Variants in DNAAF4 observed in about 807,000 individuals in gnomAD.
DNAAF4 encodes dynein assembly factor 4, axonemal.
Under a neutral mutation model 51.8 loss-of-function variants are expected in DNAAF4, and 43 were observed. The observed-to-expected ratio is 0.83, with a 90% CI of 0.65 to 1.07. The LOEUF (loss-of-function observed/expected upper bound fraction) is 1.07. Ranked by LOEUF, DNAAF4 falls within the 50% of genes least tolerant of loss-of-function variation. The pLI, the probability that DNAAF4 is intolerant of heterozygous loss-of-function variation, is 0.00. For missense variants in DNAAF4, 581 were observed against 493.0 expected (o/e 1.18, Z -1.69); for synonymous variants, 194 against 165.6 (o/e 1.17, Z -1.32).
chr15:55,488,635 A>C (rs1458265624), intron 4 of DNAAF4, among the ~76,000 whole-genome samples: 2 of 152,198 alleles, frequency 1.3e-5, no homozygotes, highest in East Asian at 3.8e-4. Flanking sequence ...CCAACTCTCA[A>C]CACTACTGAG....
intron 5 of DNAAF4, 151 bp downstream of exon 5, chr15:55,466,779 A>T: frequency 1.2e-6 from 1 of 855,814 alleles, no homozygotes. Flanking sequence ...GAAAGAAGAA[A>T]TGTCTTTACT....
chr15:55,498,501 A>G lies in DNAAF4; in HGVS notation c.-172T>C. 2 of 813,254 alleles carry G rather than the reference A, an allele frequency of 2.5e-6. No individual in the cohort carries two copies. The highest frequency in any genetic ancestry group is 1.8e-6 in the Non-Finnish European group (1 of 563,190). The allele number at this position is 813,254 out of a possible 1,614,324, so 50.4% of individuals were successfully genotyped here. A position where few individuals can be genotyped will look rare whatever the true frequency, so the allele number is the denominator to read the frequency against. ...TCGCGGACTCCATGCGTGACTATCC[A>G]GGCGCCCAGACCAGAGAGTGATGCC... On this transcript the variant is annotated 5_prime_UTR_variant, in exon 2 of 10. Transcript: ENST00000321149.
At chr15:55,428,996 C>T (rs1182048892), downstream of DNAAF4, among the ~76,000 whole-genome samples, 4 of 149,272 alleles carry the variant, frequency 2.7e-5, no homozygotes, top group East Asian at 2.0e-4. Flanking sequence ...CTGAGGCAGG[C>T]AGACCACTTG....
chr15:55,448,596 G>A (rs1181765953), intron 6 of DNAAF4, among the ~76,000 whole-genome samples: 3 of 150,368 alleles, frequency 2.0e-5, no homozygotes, highest in South Asian at 2.1e-4. Flanking sequence ...TGGGCCGGGC[G>A]CAGTGGCTCA....
At chr15:55,478,088 G>C (rs1221633755) in intron 4 of DNAAF4, among the ~76,000 whole-genome samples, 1 of 152,056 alleles carries the variant, frequency 6.6e-6, no homozygotes, top group Non-Finnish European at 1.5e-5. Flanking sequence ...CCCTGTCCAG[G>C]AACATCATCA....
At position 55,435,000 on chromosome 15, in the gene DNAAF4, T is replaced by C; in HGVS notation, c.952A>G (p.Arg318Gly). The C allele has an allele frequency of 1.9e-6, 3 of 1,612,788 alleles. No individual in the cohort carries two copies. The highest frequency in any genetic ancestry group is 1.7e-4 in the Middle Eastern group (1 of 6,004). Residue 318 changes from arginine (R) to glycine (G), a missense_variant, in exon 8 of 10, where the codon AGA becomes GGA. Transcript: ENST00000321149. ...AAINAYNLAI[R>G]LNNKMPLLYL... ...AATAGTGGCATCTTATTATTTAGTC[T>C]TATGGCTAAATTATATGCATTGATA... is the stretch of plus-strand genomic sequence containing the variant.
chr15:55,418,274 C>A (rs2057354891), intron 7 of DNAAF4: 1 of 1,552,686 alleles, frequency 6.4e-7, no homozygotes, highest in African/African-American at 1.4e-5. Flanking sequence ...GAAATCTGAA[C>A]AACTGCCTCC....
intron 3 of DNAAF4, among the ~76,000 whole-genome samples, chr15:55,491,830 A>G (rs2058579542): frequency 2.8e-5 from 4 of 145,250 alleles, no homozygotes. Flanking sequence ...ATATAAATAT[A>G]TATAAAACCT....
At chr15:55,458,446 G>A (rs1036363062) in intron 5 of DNAAF4, among the ~76,000 whole-genome samples, 1 of 152,056 alleles carries the variant, frequency 6.6e-6, no homozygotes, top group Non-Finnish European at 1.5e-5. Context: ...TAACTTCAGA[G>A]ATCAAAGACA....
At chr15:55,444,710 CTT>C (rs2057768634) in intron 6 of DNAAF4, among the ~76,000 whole-genome samples, 1 of 152,182 alleles carries the variant, frequency 6.6e-6, no homozygotes, top group South Asian at 2.1e-4. Flanking sequence ...TTTGTGTCCT[CTT>C]TTATTTTGTT....
At position 55,466,950 on chromosome 15, in the gene DNAAF4, G is replaced by A. The variant is rs766574586; in HGVS notation, c.617C>T (p.Ser206Phe). 2.5e-6 allele frequency: 4 copies of A among 1,583,772 alleles called. No individual in the cohort carries two copies. Among genetic ancestry groups the A allele is most frequent in the Non-Finnish European group, 3.4e-6 (4 of 1,172,902 alleles). Reference protein sequence around the residue: ...KYKSLTRNLASRNLAPKGRNS... With the variant: ...KYKSLTRNLAFRNLAPKGRNS... ...TTTACCTTTTGGAGCAAGATTTCTA[G>A]ATGCCAAATTTCTAGTAAGACTCTT... The change falls in exon 5 of 10, where the codon TCT becomes TTT. Residue 206 changes from serine to phenylalanine, a missense_variant. Transcript: ENST00000321149.
At chr15:55,426,018 G>A (rs1320349855), downstream of DNAAF4, among the ~76,000 whole-genome samples, 1 of 152,150 alleles carries the variant, frequency 6.6e-6, no homozygotes, top group Non-Finnish European at 1.5e-5. Context: ...CAAGCATTTG[G>A]GAATCAGAGT....
rs7163614 is a variant in DNAAF4 at position 55,491,271 on chromosome 15, A to G, written c.272-15T>C. ...CTCTTTGTCAACTAAAATGTACAGA[A>G]TATTGCTAAATTAGAATTATGACAA... On this transcript the variant is annotated splice_polypyrimidine_tract_variant and intron_variant, in intron 3 of 9. Transcript: ENST00000321149. 5,842 of 1,598,468 alleles carry G rather than the reference A, an allele frequency of 3.7e-3. 121 individuals carry two copies. The African/African-American group carries it at 0.05, about 14-fold the overall frequency.
intron 5 of DNAAF4, among the ~76,000 whole-genome samples, chr15:55,461,692 A>G (rs951603739): frequency 6.6e-6 from 1 of 152,192 alleles, no homozygotes; most frequent in Non-Finnish European, 1.5e-5. Flanking sequence ...AGTCTGAAAG[A>G]GCATAAACAG....
At chr15:55,445,031 CCT>C (rs2057774972) in intron 6 of DNAAF4, among the ~76,000 whole-genome samples, 1 of 131,540 alleles carries the variant, frequency 7.6e-6, no homozygotes, top group Non-Finnish European at 1.6e-5. Flanking sequence ...AATTGAATAC[CCT>C]TTTTTTTTTT....
intron 5 of DNAAF4, among the ~76,000 whole-genome samples, chr15:55,458,491 A>G (rs1204754548): frequency 6.6e-6 from 1 of 152,182 alleles, no homozygotes; most frequent in South Asian, 2.1e-4. Flanking sequence ...ACAAAGACAA[A>G]GAAAAAAAGA....
intron 5 of DNAAF4, among the ~76,000 whole-genome samples, chr15:55,459,474 A>G (rs2058063785): frequency 6.6e-6 from 1 of 152,236 alleles, no homozygotes; most frequent in Non-Finnish European, 1.5e-5. Flanking sequence ...AACAACTAGC[A>G]TGATGAATAG....
At chr15:55,426,149 AG>A (rs775627458), downstream of DNAAF4, among the ~76,000 whole-genome samples, 65 of 145,576 alleles carry the variant, frequency 4.5e-4, no homozygotes, top group Non-Finnish European at 8.5e-4. Context: ...CCTGGGTGGA[AG>A]TCACAAGATG....
chr15:55,495,633 G>A (rs763041890), intron 3 of DNAAF4, among the ~76,000 whole-genome samples: 8 of 152,168 alleles, frequency 5.3e-5, no homozygotes, highest in Non-Finnish European at 8.8e-5. Context: ...TACTCAGGAG[G>A]TCGAGGCAGG....
Sources: allele counts gnomAD v4.1 joint callset (sites outside exome capture counted in the v4.1 genomes callset), GRCh38; gene constraint gnomAD v4.1.1; transcripts MANE v1.5; gene names NCBI Gene and HGNC (gene_info 2026-07-23, HGNC 2026-07-21).